Variants in DISP1 observed in about 807,000 individuals in gnomAD.
DISP1 encodes dispatched RND transporter family member 1.
A neutral mutation model predicts 37.3 loss-of-function variants in DISP1; 30 were observed. That is an observed-to-expected ratio of 0.80 (90% CI 0.60 to 1.09). The LOEUF is 1.09. Ranked by LOEUF, DISP1 falls within the 50% of genes least tolerant of loss-of-function variation. The pLI is 0.00. For synonymous variants in DISP1, 634 were observed against 690.2 expected (o/e 0.92, Z 1.28); for missense variants, 1,598 against 1,879.5 (o/e 0.85, Z 2.77).
chr1:222,986,725 A>G (rs987574865), intron 4 of DISP1, among the ~76,000 whole-genome samples: 2 of 152,186 alleles, frequency 1.3e-5, no homozygotes, highest in Non-Finnish European at 2.9e-5. Context: ...TATTGAGAAG[A>G]TGATGTGAAC....
Position 223,005,532 on chromosome 1 carries a change from A to C in DISP1, c.4135A>C (p.Arg1379=), listed in dbSNP as rs758077467. Residue 1379 remains arginine, a synonymous_variant, in exon 9 of 9, where the codon AGG becomes CGG. Coordinates refer to ENST00000675850, the MANE Select transcript of DISP1 (RefSeq NM_001377229.1). Reference sequence around the variant, plus strand: ...CAAGACCAATGTACACAGTCTTCAGAGGAGCATAGAAGAGCATCTTCCAAA... The same window carrying C: ...CAAGACCAATGTACACAGTCTTCAGCGGAGCATAGAAGAGCATCTTCCAAA... ...IGKTNVHSLQ[R]SIEEHLPKMA... The C allele has an allele frequency of 6.2e-7, 1 of 1,614,198 alleles. No homozygotes were observed. The highest frequency in any genetic ancestry group is 1.7e-5 in the Admixed American group (1 of 60,032).
intron 3 of DISP1, among the ~76,000 whole-genome samples, chr1:222,955,031 A>C (rs1324622745): frequency 1.3e-5 from 2 of 151,444 alleles, no homozygotes; most frequent in African/African-American, 4.9e-5. Context: ...AATACATTCT[A>C]GTTAGTCCAA....
intron 1 of DISP1, among the ~76,000 whole-genome samples, chr1:222,911,924 G>A (rs1000391754): frequency 6.6e-6 from 1 of 152,172 alleles, no homozygotes; most frequent in African/African-American, 2.4e-5. Flanking sequence ...ACCAAATCAT[G>A]TTGCTTATGA....
rs776343765 is a variant in DISP1 at position 223,003,195 on chromosome 1, A to T, written c.1798A>T (p.Thr600Ser). The change falls in exon 9 of 9, where the codon ACC (threonine) becomes TCC (serine). Residue 600 changes from threonine (T) to serine (S), a missense_variant. Transcript: ENST00000675850. The surrounding 1 kb of genome is among the most constrained non-coding windows in gnomAD (Gnocchi z 4.3). ...HAETSETVSI[T>S]LQHAALSMFV... The stretch of plus-strand genomic sequence containing the variant: ...CGAAACCTCAGAAACAGTAAGCATC[A>T]CCTTGCAGCACGCTGCCCTCTCCAT... The T allele has an allele frequency of 1.2e-6, 2 of 1,614,246 alleles. No individual in the cohort carries two copies. The highest frequency in any genetic ancestry group is 1.7e-6 in the Non-Finnish European group (2 of 1,180,042).
chr1:222,993,358 T>C (rs553067441), intron 7 of DISP1, among the ~76,000 whole-genome samples: 21 of 152,334 alleles, frequency 1.4e-4, no homozygotes, highest in Admixed American at 4.6e-4. Flanking sequence ...GATTGAGGAA[T>C]TGTGGATAGT....
intron 1 of DISP1, among the ~76,000 whole-genome samples, chr1:222,881,206 T>A (rs1192124253): frequency 6.6e-6 from 1 of 152,178 alleles, no homozygotes; most frequent in Non-Finnish European, 1.5e-5. Flanking sequence ...TATTTTTTAT[T>A]TTTTTTGAGA....
In DISP1 at chr1:223,002,642, A is replaced by G. The variant is rs756593395; in HGVS notation, c.1245A>G (p.Pro415=). 6.2e-7 allele frequency: 1 copy of G among 1,614,224 alleles called. No individual in the cohort carries two copies. The highest frequency in any genetic ancestry group is 1.1e-5 in the South Asian group (1 of 91,074). ...RKDQLKCTNV[P]RKCTKYNAVY... The stretch of plus-strand genomic sequence containing the variant: ...ACCAGCTCAAGTGCACCAATGTGCC[A>G]CGCAAATGTACCAAGTACAATGCTG... Residue 415 remains proline (P), a synonymous_variant, in exon 9 of 9, where the codon CCA becomes CCG. Coordinates refer to ENST00000675850, the MANE Select transcript of DISP1 (RefSeq NM_001377229.1).
rs34290293 is a variant in DISP1 at position 222,893,991 on chromosome 1, C to T, written c.-158-34439C>T. ...AGACCCGAAGTGGGTAGCTCCCTCC[C>T]GCAGGCAGGTCATCCCTACAAGTTG... On this transcript the variant is annotated intron_variant, in intron 1 of 8. Transcript: ENST00000675850. This position sits in a 1 kb window ranked among gnomAD's most constrained non-coding sequence, Gnocchi z 4.3. 0.19 allele frequency among the ~76,000 whole-genome samples: 29,268 copies of T among 152,090 alleles called. 3,144 individuals are homozygous for T. The highest frequency in any genetic ancestry group is 0.31 in the East Asian group (1,583 of 5,160).
chr1:222,988,975 C>T (rs1026387142), intron 4 of DISP1, among the ~76,000 whole-genome samples: 3 of 152,166 alleles, frequency 2.0e-5, no homozygotes, highest in East Asian at 1.9e-4. Context: ...TTTAAAAGAG[C>T]AGCAGTGAAA....
In DISP1 at chr1:222,887,546, C is replaced by A. The variant is rs1472097737; in HGVS notation, c.-158-40884C>A. Among the ~76,000 whole-genome samples, 44 of 91,374 alleles carry A rather than the reference C, an allele frequency of 4.8e-4. 3 individuals carry two copies. Among genetic ancestry groups the A allele is most frequent in the African/African-American group, 1.8e-3 (43 of 24,412 alleles). The allele number at this position is 91,374 out of a possible 152,430, so 59.9% of individuals were successfully genotyped here. ...TCGCTCTGTTGCCCAGGCCGGACTG[C>A]GGACTGCAGTGGCGCAATCTCGGCT... On this transcript the variant is annotated intron_variant, in intron 1 of 8. Transcript: ENST00000675850.
At chr1:222,977,974 T>C (rs1326975060) in intron 3 of DISP1, among the ~76,000 whole-genome samples, 1 of 152,142 alleles carries the variant, frequency 6.6e-6, no homozygotes, top group East Asian at 1.9e-4. Flanking sequence ...TTTGCTATTG[T>C]GAATAGTGCC....
At chr1:222,824,156 C>G (rs559137076) in intron 1 of DISP1, among the ~76,000 whole-genome samples, 5 of 151,990 alleles carry the variant, frequency 3.3e-5, no homozygotes, top group African/African-American at 4.8e-5. Flanking sequence ...TTTTTCAGAA[C>G]AGTAATAAGT....
At chr1:222,856,638 T>C (rs953732967) in intron 1 of DISP1, among the ~76,000 whole-genome samples, 2 of 152,154 alleles carry the variant, frequency 1.3e-5, no homozygotes, top group South Asian at 2.1e-4. Flanking sequence ...TATCCATTGA[T>C]GGCATGTGCC....
chr1:222,887,093 G>GA (rs1670639532), intron 1 of DISP1, among the ~76,000 whole-genome samples: 1 of 152,144 alleles, frequency 6.6e-6, no homozygotes, highest in Non-Finnish European at 1.5e-5. Context: ...TCGAATGGGG[G>GA]AAAAATAATC....
At chr1:222,863,383 A>G (rs757805759) in intron 1 of DISP1, among the ~76,000 whole-genome samples, 2 of 152,062 alleles carry the variant, frequency 1.3e-5, no homozygotes, top group Non-Finnish European at 2.9e-5. Context: ...AGCTGGGCAT[A>G]GTGGCGTGTG....
At chr1:222,829,466 A>G (rs1448802499) in intron 1 of DISP1, among the ~76,000 whole-genome samples, 2 of 150,422 alleles carry the variant, frequency 1.3e-5, no homozygotes, top group Non-Finnish European at 3.0e-5. Context: ...TTTTCATGAG[A>G]TAGAGTCCTA....
chr1:222,888,531 G>A (rs893395719), intron 1 of DISP1, among the ~76,000 whole-genome samples: 2 of 152,068 alleles, frequency 1.3e-5, no homozygotes, highest in African/African-American at 4.8e-5. Flanking sequence ...GCCGAGGGTG[G>A]GGTAGCATAA....
At chr1:222,895,692 G>A in intron 1 of DISP1, among the ~76,000 whole-genome samples, 1 of 152,226 alleles carries the variant, frequency 6.6e-6, no homozygotes, top group South Asian at 2.1e-4. Context: ...AAGGTGCCAA[G>A]GTAATTCAAT....
rs1673480514 is a variant in DISP1, at chr1:222,932,726, C to T, written c.-18+4156C>T. Among the ~76,000 whole-genome samples, 2 of 151,882 alleles carry T rather than the reference C, an allele frequency of 1.3e-5. 1 individual carries two copies. Among genetic ancestry groups the T allele is most frequent in the South Asian group, 4.2e-4 (2 of 4,812 alleles). ...TTTCCAGCATTGATGCTTATGGGCA[C>T]AGTACTTATAACACGAGTGTGGAGA... On this transcript the variant is annotated intron_variant, in intron 2 of 8. Coordinates refer to ENST00000675850, the MANE Select transcript of DISP1 (RefSeq NM_001377229.1).
Sources: allele counts gnomAD v4.1 joint callset (sites outside exome capture counted in the v4.1 genomes callset), GRCh38; gene constraint gnomAD v4.1.1; non-coding constraint Gnocchi (gnomAD v3.1); transcripts MANE v1.5; gene names NCBI Gene and HGNC (gene_info 2026-07-23, HGNC 2026-07-21).